Variants in NPIPB7 observed in about 807,000 individuals in gnomAD.
NPIPB7 encodes the protein nuclear pore complex-interacting protein family member B7.
For missense variants in NPIPB7, 14 were observed against 238.5 expected (o/e 0.06, Z 6.20); for synonymous variants, 9 against 88.1 (o/e 0.10, Z 5.03).
chr16:28,462,085 C>G (rs2045874323), intron 4 of NPIPB7, among the ~76,000 whole-genome samples: 1 of 148,508 alleles, frequency 6.7e-6, no homozygotes, highest in African/African-American at 2.5e-5. Flanking sequence ...CCATAGCACT[C>G]CAGCCTGGGC....
chr16:28,469,927 T>C (rs2045931703), intron 1 of NPIPB7: 1 of 281,670 alleles, frequency 3.6e-6, no homozygotes. Context: ...AGCCGAGATC[T>C]TGCCACTGCA....
At chr16:28,461,640 CCT>C (rs369341204) in intron 4 of NPIPB7, among the ~76,000 whole-genome samples, 1 of 149,786 alleles carries the variant, frequency 6.7e-6, no homozygotes, top group Non-Finnish European at 1.5e-5. Context: ...ATGGTGAACC[CCT>C]GTCTCTACTA....
At chr16:28,469,903 C>T (rs1346249484) in intron 1 of NPIPB7, 12 of 270,578 alleles carry the variant, frequency 4.4e-5, no homozygotes, top group South Asian at 1.7e-4. Flanking sequence ...ACCCCGGAAG[C>T]GGAGGTTGCA....
chr16:28,469,170 C>T (rs71225384), intron 1 of NPIPB7, among the ~76,000 whole-genome samples: 2,751 of 99,540 alleles, frequency 0.028, 23 homozygotes, highest in Middle Eastern at 0.081. Context: ...TTGAGCAGAA[C>T]AAAGCAGACA....
upstream of NPIPB7, among the ~76,000 whole-genome samples, chr16:28,471,976 G>GCTGA (rs2045953539): frequency 6.6e-6 from 1 of 152,136 alleles, no homozygotes; most frequent in African/African-American, 2.4e-5. Context: ...TTTGCAGTGA[G>GCTGA]CTGAGATAGT....
chr16:28,464,597 T>C (rs372981256), intron 2 of NPIPB7, among the ~76,000 whole-genome samples: 1 of 146,650 alleles, frequency 6.8e-6, no homozygotes, highest in Admixed American at 6.8e-5. Context: ...ATTCAAGCGA[T>C]TCTTGTGCCT....
At chr16:28,462,142 G>A (rs2045875137) in intron 4 of NPIPB7, among the ~76,000 whole-genome samples, 1 of 150,324 alleles carries the variant, frequency 6.7e-6, no homozygotes, top group Non-Finnish European at 1.5e-5. Flanking sequence ...AAAAAAGGCT[G>A]GGTGTGGTGG....
At chr16:28,463,432 C>A (rs1425732108) in intron 2 of NPIPB7, among the ~76,000 whole-genome samples, 31 of 109,466 alleles carry the variant, frequency 2.8e-4, no homozygotes, top group African/African-American at 9.0e-4. Context: ...CACACACACA[C>A]AAGAATGACA....
upstream of NPIPB7, chr16:28,470,635 G>GA: frequency 9.7e-6 from 1 of 103,266 alleles, no homozygotes. Flanking sequence ...AGGGGAGGGG[G>GA]AGGGGAAGGG....
At chr16:28,463,389 TCACACACACACACACACACA>T (rs57853696) in intron 2 of NPIPB7, among the ~76,000 whole-genome samples, 2 of 45,794 alleles carry the variant, frequency 4.4e-5, no homozygotes, top group Non-Finnish European at 8.7e-5. Flanking sequence ...AGACTCTGTC[TCACACACACACACACACACA>T]CACACACACA....
At chr16:28,462,490 C>G (rs1243527547) in intron 4 of NPIPB7, among the ~76,000 whole-genome samples, 184 bp downstream of exon 4, 8 of 141,704 alleles carry the variant, frequency 5.6e-5, no homozygotes, top group African/African-American at 2.1e-4. Context: ...AAATTACAAA[C>G]AAGAATGTAG....
chr16:28,461,947 CAAAAA>C (rs56100146), intron 4 of NPIPB7, among the ~76,000 whole-genome samples: 3 of 90,444 alleles, frequency 3.3e-5, no homozygotes, highest in African/African-American at 1.4e-4. Flanking sequence ...GACTCTGTCT[CAAAAA>C]AAAAAAAAAA....
chr16:28,465,484 G>A (rs1440443469), intron 2 of NPIPB7, among the ~76,000 whole-genome samples: 24 of 141,788 alleles, frequency 1.7e-4, no homozygotes, highest in South Asian at 2.3e-4. Context: ...GACTCGTCTC[G>A]GGGGTGAGAA....
At chr16:28,470,525 G>T (rs368382803) in exon 1 of NPIPB7, 1 of 728,648 alleles carries the variant, frequency 1.4e-6, no homozygotes, top group Non-Finnish European at 2.0e-6. Context: ...GACGGGGACC[G>T]GGGCCGGATC....
At chr16:28,463,390 C>CAA (rs1491117555) in intron 2 of NPIPB7, among the ~76,000 whole-genome samples, 3 of 15,882 alleles carry the variant, frequency 1.9e-4, no homozygotes, top group African/African-American at 6.5e-4. Context: ...GACTCTGTCT[C>CAA]ACACACACAC....
chr16:28,472,062 T>C (rs1322720099), upstream of NPIPB7, among the ~76,000 whole-genome samples: 1 of 152,228 alleles, frequency 6.6e-6, no homozygotes, highest in Non-Finnish European at 1.5e-5. Flanking sequence ...TCACATTTCC[T>C]ATTTTCAAAA....
intron 2 of NPIPB7, among the ~76,000 whole-genome samples, chr16:28,464,364 T>G (rs1260240727): frequency 2.2e-4 from 33 of 151,746 alleles, no homozygotes; most frequent in Non-Finnish European, 3.5e-4. Flanking sequence ...CCCTCCAAGA[T>G]TTCCATATTA....
intron 1 of NPIPB7, among the ~76,000 whole-genome samples, chr16:28,468,553 A>C (rs1419946616): frequency 7.3e-4 from 102 of 140,590 alleles, no homozygotes; most frequent in Non-Finnish European, 1.3e-3. Flanking sequence ...TCACGCCTGC[A>C]ATCTCAGCAC....
At chr16:28,463,371 A>C (rs2045883147) in intron 2 of NPIPB7, among the ~76,000 whole-genome samples, 1 of 116,240 alleles carries the variant, frequency 8.6e-6, no homozygotes, top group East Asian at 2.8e-4. Flanking sequence ...AGCCTGAGCG[A>C]CAGAATGAGA....
Sources: gnomAD v4.1 joint callset for allele counts (sites outside exome capture counted in the v4.1 genomes callset) on GRCh38, gnomAD v4.1.1 for gene constraint, MANE v1.5 for transcripts, NCBI Gene and HGNC (gene_info 2026-07-23, HGNC 2026-07-21) for gene names.